Variants in ZPBP observed in about 807,000 individuals in gnomAD.
ZPBP encodes the protein zona pellucida binding protein.
A neutral mutation model predicts 44.8 loss-of-function variants in ZPBP; 26 were observed. That is an observed-to-expected ratio of 0.58 (90% CI 0.43 to 0.81). The LOEUF is 0.81. ZPBP is among the 30% of genes least tolerant of loss of function. The pLI, the probability that ZPBP is intolerant of heterozygous loss-of-function variation, is 0.00. For missense variants in ZPBP, 409 were observed against 434.0 expected, an observed-to-expected ratio of 0.94 and a Z score of 0.51; for synonymous variants, 174 against 153.2, an observed-to-expected ratio of 1.14 and a Z score of -1.00.
chr7:49,892,956 ACTT>A (rs1470621168), intron 2 of ZPBP, among the ~76,000 whole-genome samples: 5 of 10,998 alleles, frequency 4.5e-4, no homozygotes, highest in Non-Finnish European at 9.9e-4. Context: ...AAGAATCCTC[ACTT>A]AAGTTGTTTA....
At chr7:49,989,007 T>C (rs1797443185) in intron 6 of ZPBP, among the ~76,000 whole-genome samples, 1 of 152,226 alleles carries the variant, frequency 6.6e-6, no homozygotes, top group African/African-American at 2.4e-5. Flanking sequence ...TATTTGTCTC[T>C]CTCTCTCTGT....
chr7:49,920,475 C>G (rs1265333120), intron 1 of ZPBP: 1 of 152,068 alleles, frequency 6.6e-6, no homozygotes, highest in African/African-American at 2.4e-5. Context: ...ACAAAACAAA[C>G]AAAAGACAAG....
chr7:49,985,080 T>TGA (rs1797199914), intron 6 of ZPBP, among the ~76,000 whole-genome samples: 1 of 152,144 alleles, frequency 6.6e-6, no homozygotes, highest in African/African-American at 2.4e-5. Context: ...TGTGTGTGAG[T>TGA]GCACCCTGTG....
intron 6 of ZPBP, among the ~76,000 whole-genome samples, chr7:50,004,860 G>T (rs1027696513): frequency 6.6e-6 from 1 of 151,960 alleles, no homozygotes; most frequent in African/African-American, 2.4e-5. Context: ...GGTGGAGAGA[G>T]GGAAAAGGGC....
At chr7:50,004,387 G>C (rs1266760550) in intron 6 of ZPBP, among the ~76,000 whole-genome samples, 1 of 152,008 alleles carries the variant, frequency 6.6e-6, no homozygotes, top group Non-Finnish European at 1.5e-5. Context: ...CAGACTGAGG[G>C]CTACATTGTA....
At chr7:49,993,548 A>C (rs908402260) in intron 6 of ZPBP, among the ~76,000 whole-genome samples, 1 of 152,252 alleles carries the variant, frequency 6.6e-6, no homozygotes, top group Non-Finnish European at 1.5e-5. Context: ...TATTAAAAAC[A>C]ATAAATTGTA....
chr7:49,999,704 C>CCTT (rs3034420), intron 6 of ZPBP, among the ~76,000 whole-genome samples: 120,943 of 151,678 alleles, frequency 0.8, 48,372 homozygotes, highest in East Asian at 0.89. Context: ...ACAAATCCTC[C>CCTT]CTTCTTCTAT....
intron 2 of ZPBP, among the ~76,000 whole-genome samples, chr7:49,895,796 A>T (rs1203521378): frequency 2.0e-5 from 3 of 152,202 alleles, no homozygotes; most frequent in Non-Finnish European, 4.4e-5. Flanking sequence ...ATGAAAATTA[A>T]GTATAATCAA....
chr7:49,978,135 T>A (rs10239881), intron 7 of ZPBP, among the ~76,000 whole-genome samples: 1 of 149,544 alleles, frequency 6.7e-6, no homozygotes, highest in African/African-American at 2.4e-5. Flanking sequence ...GTTGAATATA[T>A]AAGCTATACA....
intron 6 of ZPBP, among the ~76,000 whole-genome samples, chr7:50,002,303 AC>A (rs1798134908): frequency 6.6e-6 from 1 of 152,080 alleles, no homozygotes; most frequent in Admixed American, 6.6e-5. Context: ...TATGGGAAAT[AC>A]CGCCCCCATG....
At chr7:49,923,227 C>T (rs190980926) in intron 1 of ZPBP, among the ~76,000 whole-genome samples, 17 of 151,562 alleles carry the variant, frequency 1.1e-4, no homozygotes, top group Non-Finnish European at 1.5e-4. Context: ...TGATGACAGA[C>T]GATAAAACAA....
chr7:50,013,970 T>G (rs1798697909), intron 6 of ZPBP, among the ~76,000 whole-genome samples: 1 of 152,260 alleles, frequency 6.6e-6, no homozygotes. Flanking sequence ...CTATCATCCT[T>G]TATCTATTTC....
chr7:49,966,313 C>G (rs548583574), intron 7 of ZPBP, among the ~76,000 whole-genome samples: 1 of 152,120 alleles, frequency 6.6e-6, no homozygotes, highest in Non-Finnish European at 1.5e-5. Flanking sequence ...CATTCTCTAT[C>G]TCTGTCTCTC....
At chr7:49,911,579 C>T (rs1441295554) in intron 1 of ZPBP, among the ~76,000 whole-genome samples, 1 of 151,662 alleles carries the variant, frequency 6.6e-6, no homozygotes, top group Non-Finnish European at 1.5e-5. Context: ...TTGCCACTGT[C>T]CTTCATAAAA....
intron 5 of ZPBP, among the ~76,000 whole-genome samples, chr7:50,029,057 G>C (rs576965968): frequency 1.4e-4 from 22 of 152,196 alleles, no homozygotes; most frequent in South Asian, 1.0e-3. Flanking sequence ...AACAAAATTG[G>C]AGGCACTCTC....
chr7:49,983,489 G>A lies in ZPBP; in HGVS notation c.814C>T (p.Gln272Ter). 5.6e-6 allele frequency: 9 copies of A among 1,607,118 alleles called. No homozygotes were observed. The highest frequency in any genetic ancestry group is 7.7e-6 in the Non-Finnish European group (9 of 1,175,714). ...CGTCTGCCAAGAATTTCTACTTGTT[G>A]ATTAAAAAATCTCTCTATGAGATTT... is the stretch of plus-strand genomic sequence containing the variant. ...AKNLIERFFN[Q>*]QVEILGRRAE... Residue 272 changes from glutamine (Q) to a stop codon, truncating the protein, a stop_gained, in exon 7 of 8, where the codon CAA (glutamine) becomes TAA (stop). Coordinates refer to ENST00000046087, the MANE Select transcript of ZPBP (RefSeq NM_007009.3). LOFTEE classifies it high-confidence loss of function.
chr7:50,081,937 T>C, intron 2 of ZPBP, 38 bp from the exon 3 acceptor site: 2 of 1,602,634 alleles, frequency 1.2e-6, no homozygotes, highest in Non-Finnish European at 1.7e-6. Flanking sequence ...AATAGTATTT[T>C]ATCTTCTTTT....
chr7:49,850,492 G>A (rs1052573240), exon 3 of ZPBP: 1 of 152,200 alleles, frequency 6.6e-6, no homozygotes, highest in Non-Finnish European at 1.5e-5. Flanking sequence ...ACAAGGAGAT[G>A]GACAGGGGCT....
intron 5 of ZPBP, among the ~76,000 whole-genome samples, chr7:50,023,895 G>T (rs1799206128): frequency 6.6e-6 from 1 of 151,638 alleles, no homozygotes; most frequent in Non-Finnish European, 1.5e-5. Context: ...TGGGGCTGGG[G>T]GAAAGAATTA....
Sources: gnomAD v4.1 joint callset for allele counts (sites outside exome capture counted in the v4.1 genomes callset) on GRCh38, gnomAD v4.1.1 for gene constraint, MANE v1.5 for transcripts, NCBI Gene and HGNC (gene_info 2026-07-23, HGNC 2026-07-21) for gene names.